The following RBM27 variants were observed in gnomAD, a reference collection of about 807,000 sequenced individuals.
The protein encoded by RBM27 is RNA-binding protein 27.
Under a neutral mutation model 135.3 loss-of-function variants are expected in RBM27, and 22 were observed. The observed-to-expected ratio is 0.16, with a 90% CI of 0.12 to 0.23. The LOEUF is 0.23. Among genes scored for constraint, RBM27 ranks in the 10% least tolerant of loss-of-function variants. The pLI is 1.00. For missense variants in RBM27, 1,009 were observed against 1,281.0 expected (o/e 0.79, Z 3.24); for synonymous variants, 481 against 442.4 (o/e 1.09, Z -1.10).
chr5:146,228,396 C>T (rs895582562), intron 3 of RBM27, among the ~76,000 whole-genome samples: 1 of 151,234 alleles, frequency 6.6e-6, no homozygotes, highest in African/African-American at 2.4e-5. Context: ...ATTCTCCTGC[C>T]TCAGCCTCCC....
At chr5:146,222,768 C>CT (rs978734277) in intron 2 of RBM27, among the ~76,000 whole-genome samples, 1 of 152,146 alleles carries the variant, frequency 6.6e-6, no homozygotes, top group African/African-American at 2.4e-5. Context: ...ATTCAGTTGT[C>CT]TGAGGAAGTT....
At chr5:146,237,481 A>C (rs1757220071) in intron 8 of RBM27, 49 bp downstream of exon 8, 1 of 1,578,084 alleles carries the variant, frequency 6.3e-7, no homozygotes, top group Admixed American at 1.7e-5. Flanking sequence ...AGAAAAGCCA[A>C]GTTGTCTCAT....
At position 146,287,124 on chromosome 5, in the gene RBM27, G is replaced by A. The variant is rs1321810756; in HGVS notation, c.*1094G>A. 6.6e-6 allele frequency: 1 copy of A among 151,444 alleles called. No homozygotes were observed. The highest frequency in any genetic ancestry group is 1.5e-5 in the Non-Finnish European group (1 of 67,862). 9.4% of individuals were successfully genotyped at this position (151,444 alleles called of 1,614,324 possible). A position where few individuals can be genotyped will look rare whatever the true frequency, so the allele number is the denominator to read the frequency against. ...TAAACCATGATGGTGAGGTGACTGG[G>A]GGGTGGGGGGTGGAGGTGGGAGGGG... On this transcript the variant is annotated 3_prime_UTR_variant, in exon 21 of 21. Transcript: ENST00000265271.
At chr5:146,224,827 T>C (rs903883497) in intron 3 of RBM27, among the ~76,000 whole-genome samples, 17 of 152,088 alleles carry the variant, frequency 1.1e-4, no homozygotes, top group African/African-American at 4.1e-4. Flanking sequence ...CCCAAAGCTC[T>C]GGGGTTATAG....
At chr5:146,266,676 C>T (rs1331936464) in intron 14 of RBM27, among the ~76,000 whole-genome samples, 3 of 152,126 alleles carry the variant, frequency 2.0e-5, no homozygotes, top group Non-Finnish European at 4.4e-5. Flanking sequence ...TGGCTCACAC[C>T]TCTAATCCTA....
chr5:146,259,930 G>A (rs866408111), intron 11 of RBM27, among the ~76,000 whole-genome samples: 2 of 126,828 alleles, frequency 1.6e-5, no homozygotes, highest in South Asian at 2.4e-4. Flanking sequence ...CCGAGATTGC[G>A]CCACTGCAGT....
chr5:146,245,319 T>C (rs1757579171), intron 8 of RBM27: 1 of 152,164 alleles, frequency 6.6e-6, no homozygotes, highest in Non-Finnish European at 1.5e-5. Flanking sequence ...CATTATTAAG[T>C]AAAGTACACT....
chr5:146,272,331 C>T (rs1485360287), intron 19 of RBM27, among the ~76,000 whole-genome samples: 2 of 152,172 alleles, frequency 1.3e-5, no homozygotes, highest in African/African-American at 4.8e-5. Context: ...ATGTCAACCA[C>T]AATCATATAA....
chr5:146,209,000 G>A (rs951699015), intron 1 of RBM27, among the ~76,000 whole-genome samples: 11 of 152,004 alleles, frequency 7.2e-5, no homozygotes, highest in African/African-American at 2.7e-4. Flanking sequence ...TGTGTGAATC[G>A]GCATTTAATT....
chr5:146,245,283 G>A (rs1199259745), intron 8 of RBM27: 1 of 152,010 alleles, frequency 6.6e-6, no homozygotes, highest in Non-Finnish European at 1.5e-5. Context: ...CACCAACTCA[G>A]TATATACTTT....
chr5:146,206,310 T>G (rs1166430627), intron 1 of RBM27, among the ~76,000 whole-genome samples: 3 of 150,940 alleles, frequency 2.0e-5, no homozygotes, highest in Non-Finnish European at 3.0e-5. Context: ...TTTGTTTTTT[T>G]TTTTTTCCCC....
intron 9 of RBM27, among the ~76,000 whole-genome samples, chr5:146,252,686 G>A (rs1757947305): frequency 6.6e-6 from 1 of 152,170 alleles, no homozygotes; most frequent in African/African-American, 2.4e-5. Flanking sequence ...GGCATAAGCA[G>A]GGAAGCTGTT....
At chr5:146,228,449 T>TTTTA (rs2126742695) in intron 3 of RBM27, among the ~76,000 whole-genome samples, 1 of 151,926 alleles carries the variant, frequency 6.6e-6, no homozygotes, top group East Asian at 1.9e-4. Context: ...ACGTGGCTAA[T>TTTTA]TTTTGTATTT....
At chr5:146,241,365 G>T (rs1757401446) in intron 8 of RBM27, among the ~76,000 whole-genome samples, 1 of 152,160 alleles carries the variant, frequency 6.6e-6, no homozygotes. Context: ...CCAGACACTA[G>T]GGAGCCAAGG....
At chr5:146,271,107 A>T in intron 18 of RBM27, 49 bp downstream of exon 18, 1 of 1,478,236 alleles carries the variant, frequency 6.8e-7, no homozygotes, top group Non-Finnish European at 9.4e-7. Flanking sequence ...CGTCTCAAAA[A>T]AGTTTTCCTT....
chr5:146,275,135 C>T (rs1759037484), intron 19 of RBM27, among the ~76,000 whole-genome samples: 1 of 151,128 alleles, frequency 6.6e-6, no homozygotes, highest in Non-Finnish European at 1.5e-5. Flanking sequence ...TATGCAGACC[C>T]CTGGTATGTT....
At chr5:146,223,350 C>T in intron 2 of RBM27, 53 bp from the exon 3 acceptor site, 1 of 1,529,162 alleles carries the variant, frequency 6.5e-7, no homozygotes, top group South Asian at 1.3e-5. Context: ...AATGTGTTGT[C>T]AAATTTTTGT....
At chr5:146,273,920 T>C (rs1029987382) in intron 19 of RBM27, among the ~76,000 whole-genome samples, 2 of 152,268 alleles carry the variant, frequency 1.3e-5, no homozygotes, top group East Asian at 3.9e-4. Flanking sequence ...AGTATGCTCA[T>C]TATAGTGCAT....
rs1759648879 is a variant in RBM27, at chr5:146,287,967, G to C, written c.*1937G>C. The C allele has an allele frequency of 6.6e-6, 1 of 151,920 alleles. No individual in the cohort carries two copies. The highest frequency in any genetic ancestry group is 2.1e-4 in the South Asian group (1 of 4,820). 9.4% of individuals were successfully genotyped at this position (151,920 alleles called of 1,614,324 possible). ...CATTGTGGTGAATATTTTGAGTCCT[G>C]ACAGTTTAAACGTGATAGAGGGAAC... On this transcript the variant is annotated 3_prime_UTR_variant, in exon 21 of 21. Coordinates refer to ENST00000265271, the MANE Select transcript of RBM27 (RefSeq NM_018989.2).
Sources: gnomAD v4.1 joint callset for allele counts (sites outside exome capture counted in the v4.1 genomes callset) on GRCh38, gnomAD v4.1.1 for gene constraint, MANE v1.5 for transcripts, NCBI Gene and HGNC (gene_info 2026-07-23, HGNC 2026-07-21) for gene names.